Variants in CCDC172 observed in about 807,000 individuals in gnomAD.
CCDC172 encodes coiled-coil domain-containing protein 172.
Under a neutral mutation model 38.0 loss-of-function variants are expected in CCDC172, and 30 were observed. The observed-to-expected ratio is 0.79, with a 90% confidence interval of 0.59 to 1.07. The LOEUF (loss-of-function observed/expected upper bound fraction) is 1.07, where lower values mean the gene tolerates loss of function less well. CCDC172 is among the 50% of genes least tolerant of loss of function. The pLI is 0.00. For missense variants in CCDC172, 297 were observed against 290.1 expected (o/e 1.02, Z -0.17); for synonymous variants, 78 against 88.3 (o/e 0.88, Z 0.66).
chr10:116,371,154 A>C lies in CCDC172; in HGVS notation c.654-7269A>C, dbSNP rs151247261. On this transcript the variant is annotated intron_variant, in intron 7 of 8. Transcript: ENST00000333254. ...AGATTGACTCTAGTGTTTCCCCAGC[A>C]ATAATATGCTTACTTTGGGATTGAC... is the stretch of plus-strand genomic sequence containing the variant. 1.4e-4 allele frequency among the ~76,000 whole-genome samples: 21 copies of C among 151,986 alleles called. No homozygotes were observed. The East Asian group carries it at 4.1e-3, about 29-fold the overall frequency.
At chr10:116,352,922 A>G (rs1340534643) in intron 5 of CCDC172, among the ~76,000 whole-genome samples, 2 of 152,294 alleles carry the variant, frequency 1.3e-5, no homozygotes, top group East Asian at 3.9e-4. Flanking sequence ...GGCCGGGCAC[A>G]GTGGCTCATG....
intron 7 of CCDC172, among the ~76,000 whole-genome samples, chr10:116,366,174 ACTAAATATGAG>A (rs1331678504): frequency 2.6e-5 from 4 of 152,168 alleles, no homozygotes; most frequent in Admixed American, 2.6e-4. Flanking sequence ...GCACCTGTGA[ACTAAATATGAG>A]CTAAATATGA....
chr10:116,340,492 C>T (rs1844778565), intron 3 of CCDC172, among the ~76,000 whole-genome samples: 1 of 151,814 alleles, frequency 6.6e-6, no homozygotes, highest in Non-Finnish European at 1.5e-5. Context: ...AGCACATTCT[C>T]TGCCCTTGAG....
At chr10:116,379,079 A>T (rs903155502) in intron 8 of CCDC172, among the ~76,000 whole-genome samples, 2 of 152,134 alleles carry the variant, frequency 1.3e-5, no homozygotes, top group African/African-American at 4.8e-5. Context: ...AGACATGAAT[A>T]GCTTTAAACT....
intron 5 of CCDC172, among the ~76,000 whole-genome samples, chr10:116,342,960 T>C (rs1283323386): frequency 6.6e-6 from 1 of 151,998 alleles, no homozygotes; most frequent in Non-Finnish European, 1.5e-5. Context: ...TAAATCTCTC[T>C]TCTTCTTCTT....
At chr10:116,349,461 C>T (rs1048880962) in intron 5 of CCDC172, among the ~76,000 whole-genome samples, 44 of 152,210 alleles carry the variant, frequency 2.9e-4, no homozygotes, top group African/African-American at 1.0e-3. Context: ...GGAAATCCTT[C>T]TGTGATACTC....
At chr10:116,343,515 G>C (rs7913208) in intron 5 of CCDC172, among the ~76,000 whole-genome samples, 19 of 133,160 alleles carry the variant, frequency 1.4e-4, no homozygotes, top group African/African-American at 2.5e-4. Context: ...CTGATCATTC[G>C]TTTTTTTTTT....
chr10:116,351,810 A>G (rs531239280), intron 5 of CCDC172, among the ~76,000 whole-genome samples: 1 of 152,326 alleles, frequency 6.6e-6, no homozygotes, highest in South Asian at 2.1e-4. Context: ...TTTGGATAGT[A>G]GCACTGGGAG....
At chr10:116,344,452 A>G (rs1380740202) in intron 5 of CCDC172, among the ~76,000 whole-genome samples, 1 of 152,178 alleles carries the variant, frequency 6.6e-6, no homozygotes, top group Non-Finnish European at 1.5e-5. Flanking sequence ...AATCTAGAAA[A>G]GGTACAGCAA....
chr10:116,345,593 A>G (rs1001708656), intron 5 of CCDC172, among the ~76,000 whole-genome samples: 5 of 152,200 alleles, frequency 3.3e-5, no homozygotes, highest in African/African-American at 1.2e-4. Flanking sequence ...CCAGAACATA[A>G]TGAACTCTAA....
In CCDC172 at chr10:116,376,227, C is replaced by T. The variant is rs903143479; in HGVS notation, c.654-2196C>T. ...GAAGATTTTCTTTTGCATCTGCTGG[C>T]ATCCAGGAAATGCCACTGATCTTAC... On this transcript the variant is annotated intron_variant, in intron 7 of 8. Transcript: ENST00000333254. Among the ~76,000 whole-genome samples, 3 of 152,248 alleles carry T rather than the reference C, an allele frequency of 2.0e-5. No individual in the cohort carries two copies. In the South Asian group the frequency reaches 6.2e-4, roughly 32 times the overall value.
chr10:116,345,212 T>G (rs959068976), intron 5 of CCDC172, among the ~76,000 whole-genome samples: 2 of 152,102 alleles, frequency 1.3e-5, no homozygotes, highest in Non-Finnish European at 2.9e-5. Context: ...TGTCAACTGG[T>G]TTTCAACAAA....
chr10:116,349,003 C>T (rs12570279), intron 5 of CCDC172, among the ~76,000 whole-genome samples: 4,695 of 152,240 alleles, frequency 0.031, 98 homozygotes, highest in East Asian at 0.11. Context: ...CCCCATCACT[C>T]ACATTACCAC....
intron 5 of CCDC172, among the ~76,000 whole-genome samples, chr10:116,349,781 G>A (rs908923793): frequency 1.4e-4 from 22 of 152,148 alleles, no homozygotes; most frequent in Non-Finnish European, 3.1e-4. Flanking sequence ...CCCCCATGGA[G>A]CCTACATTCC....
At chr10:116,373,974 A>G (rs1845215522) in intron 7 of CCDC172, among the ~76,000 whole-genome samples, 1 of 152,204 alleles carries the variant, frequency 6.6e-6, no homozygotes, top group Non-Finnish European at 1.5e-5. Flanking sequence ...AAAACATTAA[A>G]TGAAAAAATT....
At chr10:116,326,360 CAG>C (rs1844593217) in intron 3 of CCDC172, among the ~76,000 whole-genome samples, 1 of 152,078 alleles carries the variant, frequency 6.6e-6, no homozygotes, top group African/African-American at 2.4e-5. Flanking sequence ...TGGGTGGGGA[CAG>C]AGAGTTATTC....
In CCDC172 at chr10:116,378,423, A is replaced by C; in HGVS notation, c.654A>C (p.Arg218Ser). ...CAGGTGAAATTTTCTTTTAAAATAG[A>C]CTTAAAAAAGAATTAGAACTTTATA... ...EKPQNDTECLRLKKELELYKE... is the reference protein window; with the variant it reads ...EKPQNDTECLSLKKELELYKE... The change falls in exon 8 of 9, where the codon AGA becomes AGC. Residue 218 changes from arginine to serine, a missense_variant and splice_region_variant. By Grantham distance (110) the Arg-to-Ser change is moderately radical. Coordinates refer to ENST00000333254, the MANE Select transcript of CCDC172 (RefSeq NM_198515.3). The C allele has an allele frequency of 1.3e-6, 2 of 1,586,524 alleles. No individual in the cohort carries two copies. Among genetic ancestry groups the C allele is most frequent in the Non-Finnish European group, 1.7e-6 (2 of 1,168,240 alleles).
intron 7 of CCDC172, among the ~76,000 whole-genome samples, chr10:116,371,088 A>G (rs986650324): frequency 1.3e-5 from 2 of 151,950 alleles, no homozygotes; most frequent in African/African-American, 4.8e-5. Context: ...AATATTAAAA[A>G]GTAATAAAGG....
intron 7 of CCDC172, among the ~76,000 whole-genome samples, chr10:116,364,210 T>TATA (rs1279333532): frequency 2.0e-5 from 3 of 152,176 alleles, no homozygotes; most frequent in African/African-American, 7.2e-5. Context: ...GTAATTGAGC[T>TATA]ATACTGATTA....
Sources: gnomAD v4.1 joint callset for allele counts (sites outside exome capture counted in the v4.1 genomes callset) on GRCh38, gnomAD v4.1.1 for gene constraint, MANE v1.5 for transcripts, NCBI Gene and HGNC (gene_info 2026-07-23, HGNC 2026-07-21) for gene names.